Variants in ACOX3 observed in about 807,000 individuals in gnomAD.
ACOX3 encodes acyl-CoA oxidase 3, pristanoyl.
A neutral mutation model predicts 81.5 loss-of-function variants in ACOX3; 73 were observed. The observed-to-expected ratio is 0.90, with a 90% CI of 0.74 to 1.09. The LOEUF (loss-of-function observed/expected upper bound fraction) is 1.09, where lower values mean the gene tolerates loss of function less well. ACOX3 is among the 50% of genes least tolerant of loss of function. ACOX3 has a pLI of 0.00. For synonymous variants in ACOX3, 387 were observed against 375.1 expected, an observed-to-expected ratio of 1.03 and a Z score of -0.37; for missense variants, 947 against 928.0, an observed-to-expected ratio of 1.02 and a Z score of -0.27.
downstream of ACOX3, among the ~76,000 whole-genome samples, chr4:8,363,875 T>C (rs1715283956): frequency 6.6e-6 from 1 of 152,166 alleles, no homozygotes; most frequent in Admixed American, 6.5e-5. Context: ...GTCAGGAAGT[T>C]ACCCTACAAG....
the ACOX3 span, among the ~76,000 whole-genome samples, chr4:8,359,408 C>G: frequency 6.6e-6 from 1 of 151,992 alleles, no homozygotes; most frequent in African/African-American, 2.4e-5. This position sits in a 1 kb window ranked among gnomAD's most constrained non-coding sequence, Gnocchi z 6.0. Context: ...GGGTTAGAGG[C>G]CCAACTCAGG....
chr4:8,364,343 TCA>T (rs575596961), downstream of ACOX3, among the ~76,000 whole-genome samples: 74 of 152,366 alleles, frequency 4.9e-4, no homozygotes, highest in African/African-American at 1.6e-3. This position sits in a 1 kb window ranked among gnomAD's most constrained non-coding sequence, Gnocchi z 5.0. Context: ...TTCAAATATT[TCA>T]CAGAGCTTGG....
downstream of ACOX3, among the ~76,000 whole-genome samples, chr4:8,363,093 C>T (rs1334150692): frequency 6.6e-6 from 1 of 152,190 alleles, no homozygotes; most frequent in East Asian, 1.9e-4. Flanking sequence ...CTGCTTATTC[C>T]TGTGAACCAA....
At chr4:8,403,008 C>T (rs182111202) in intron 7 of ACOX3, among the ~76,000 whole-genome samples, 121 of 152,240 alleles carry the variant, frequency 7.9e-4, no homozygotes, top group South Asian at 4.1e-4. Context: ...TCAGGGCAAA[C>T]GCACGAAGAA....
At chr4:8,379,070 C>T (rs998037729) in intron 14 of ACOX3, among the ~76,000 whole-genome samples, 1 of 152,228 alleles carries the variant, frequency 6.6e-6, no homozygotes, top group Non-Finnish European at 1.5e-5. Flanking sequence ...TGTTCTCCGT[C>T]GGCGACATGT....
chr4:8,362,916 A>T (rs2108769797), downstream of ACOX3, among the ~76,000 whole-genome samples: 1 of 152,372 alleles, frequency 6.6e-6, no homozygotes, highest in African/African-American at 2.4e-5. Flanking sequence ...ACTTTATACA[A>T]ACAATCAGGC....
At chr4:8,367,700 T>G (rs1578840677) in intron 17 of ACOX3, among the ~76,000 whole-genome samples, 1 of 144,398 alleles carries the variant, frequency 6.9e-6, no homozygotes, top group East Asian at 2.1e-4. Context: ...CTGGGTGAGG[T>G]GGCTCGTTCC....
At chr4:8,408,112 T>C (rs1721214237) in intron 6 of ACOX3, among the ~76,000 whole-genome samples, 1 of 152,146 alleles carries the variant, frequency 6.6e-6, no homozygotes. Context: ...CTAGCTGGCT[T>C]CTGTTTATGT....
At chr4:8,357,675 T>C in the ACOX3 span, 4 of 277,754 alleles carry the variant, frequency 1.4e-5, no homozygotes, top group Admixed American at 1.5e-4. Flanking sequence ...ATGTCATGGC[T>C]ACACCTCAAC....
Position 8,440,623 on chromosome 4 carries a change from A to C in ACOX3, c.-15+25T>G, listed in dbSNP as rs145390750. Reference sequence around the variant, plus strand: ...ACGCCCAGAATTCTCTCAAAAGGGAATAAAACACAGGTCAAATTCCTCACC... The same window carrying C: ...ACGCCCAGAATTCTCTCAAAAGGGACTAAAACACAGGTCAAATTCCTCACC... On this transcript the variant is annotated intron_variant, in intron 1 of 17. Coordinates refer to ENST00000356406, the MANE Select transcript of ACOX3 (RefSeq NM_003501.3). 5.1e-6 allele frequency: 3 copies of C among 588,706 alleles called. No homozygotes were observed. The East Asian group carries it at 1.0e-4, about 20-fold the overall frequency. The allele number at this position is 588,706 out of a possible 1,614,324, so 36.5% of individuals were successfully genotyped here.
Position 8,381,673 on chromosome 4 carries a change from C to T in ACOX3, c.1538-66G>A. ...GAACACAGCATTTGTCACAACTCAC[C>T]CCCAGGGACAAGGCACTGCCAGCAT... On this transcript the variant is annotated intron_variant, in intron 13 of 17. Coordinates refer to ENST00000356406, the MANE Select transcript of ACOX3 (RefSeq NM_003501.3). The surrounding 1 kb of genome is among the most constrained non-coding windows in gnomAD (Gnocchi z 4.3). 7.9e-7 allele frequency: 1 copy of T among 1,266,922 alleles called. No individual in the cohort carries two copies. Among genetic ancestry groups the T allele is most frequent in the Non-Finnish European group, 1.1e-6 (1 of 882,010 alleles). 78.5% of individuals were successfully genotyped at this position (1,266,922 alleles called of 1,614,324 possible). A position where few individuals can be genotyped will look rare whatever the true frequency, so the allele number is the denominator to read the frequency against.
Position 8,384,904 on chromosome 4 carries a change from AC to A in ACOX3, c.1538-3298del. ...TGCTCCCCAAAAGCACAACGCACGG[AC>A]CCTCTGAGACACCCTCAGGTGCCAG... is the stretch of plus-strand genomic sequence containing the variant. On this transcript the variant is annotated intron_variant, in intron 13 of 17. Transcript: ENST00000356406. This position sits in a 1 kb window ranked among gnomAD's most constrained non-coding sequence, Gnocchi z 5.3. 2.6e-5 allele frequency among the ~76,000 whole-genome samples: 4 copies of A among 152,094 alleles called. 1 individual carries two copies. The highest frequency in any genetic ancestry group is 2.6e-4 in the Admixed American group (4 of 15,292).
intron 16 of ACOX3, among the ~76,000 whole-genome samples, chr4:8,372,874 C>A (rs553791967): frequency 1.2e-3 from 178 of 152,320 alleles, no homozygotes; most frequent in Non-Finnish European, 2.1e-3. Flanking sequence ...CGCAGCAGCA[C>A]CAGCACCAGC....
chr4:8,412,156 C>G (rs555498493), intron 5 of ACOX3, among the ~76,000 whole-genome samples: 1 of 152,364 alleles, frequency 6.6e-6, no homozygotes, highest in Non-Finnish European at 1.5e-5. Context: ...CCAGAAAGAC[C>G]TGGGTTCAGA....
Position 8,414,890 on chromosome 4 carries a change from T to C in ACOX3, c.417A>G (p.Arg139=). 6 of 1,614,250 alleles carry C rather than the reference T, an allele frequency of 3.7e-6. No individual in the cohort carries two copies. The highest frequency in any genetic ancestry group is 2.2e-5 in the South Asian group (2 of 91,086). The change falls in exon 4 of 18, where the codon AGA becomes AGG. Residue 139 remains arginine (R), a synonymous_variant. Coordinates refer to ENST00000356406, the MANE Select transcript of ACOX3 (RefSeq NM_003501.3). This position sits in a 1 kb window ranked among gnomAD's most constrained non-coding sequence, Gnocchi z 6.1. ...AGATCTTTTGAATATATGTGAGATG[T>C]CTTTCAGAACCAGAACTGTAAACTG... ...GSAVYSSGSE[R]HLTYIQKIFR...
chr4:8,408,214 T>TA (rs1332583961), intron 6 of ACOX3, among the ~76,000 whole-genome samples: 1 of 146,492 alleles, frequency 6.8e-6, no homozygotes. Flanking sequence ...TCTCCTTTTC[T>TA]AAAATCTTTC....
Position 8,367,067 on chromosome 4 carries a change from A to G in ACOX3, c.1997T>C (p.Leu666Pro). ...GCTTTCCTGCAGGACAGCGCCCCAG[A>G]GGTTTTTGTAGAGCTGCAAACAACA... ...GRADGELYKN[L>P]WGAVLQESKV... is the part of the protein sequence containing the mutation. Residue 666 changes from leucine (L) to proline (P), a missense_variant, in exon 18 of 18, where the codon CTC becomes CCC. Leu to Pro is a moderately conservative substitution (Grantham distance 98, BLOSUM62 -3). Transcript: ENST00000356406. 6.2e-7 allele frequency: 1 copy of G among 1,613,982 alleles called. No individual in the cohort carries two copies. The highest frequency in any genetic ancestry group is 1.1e-5 in the South Asian group (1 of 91,084).
chr4:8,372,733 C>T (rs1404621372), intron 16 of ACOX3, among the ~76,000 whole-genome samples: 5 of 152,210 alleles, frequency 3.3e-5, no homozygotes, highest in African/African-American at 1.2e-4. Context: ...AGTGTGAAAG[C>T]AGTGACAGGG....
the ACOX3 span, chr4:8,357,166 C>G: frequency 2.2e-6 from 1 of 456,264 alleles, no homozygotes; most frequent in South Asian, 1.5e-5. Context: ...GTGAGCAGAA[C>G]GGTGCATGCT....
Sources: gnomAD v4.1 joint callset for allele counts (sites outside exome capture counted in the v4.1 genomes callset) on GRCh38, gnomAD v4.1.1 for gene constraint, Gnocchi (gnomAD v3.1) non-coding constraint, MANE v1.5 for transcripts, NCBI Gene and HGNC (gene_info 2026-07-23, HGNC 2026-07-21) for gene names.